The following DPP10 variants were observed in gnomAD, a reference collection of about 807,000 sequenced individuals.
The protein encoded by DPP10 is dipeptidyl peptidase like 10.
DPP10 carries 33 observed loss-of-function variants against 120.9 expected under a neutral mutation model. The observed-to-expected ratio is 0.27, with a 90% CI of 0.21 to 0.37. The LOEUF is 0.37. DPP10 is among the 10% of genes least tolerant of loss of function. The pLI is 1.00. For missense variants in DPP10, 816 were observed against 942.8 expected (o/e 0.87, Z 1.76); for synonymous variants, 337 against 326.1 (o/e 1.03, Z -0.36).
At chr2:115,431,738 C>T (rs2071005610) in intron 3 of DPP10, among the ~76,000 whole-genome samples, 1 of 152,060 alleles carries the variant, frequency 6.6e-6, no homozygotes, top group Non-Finnish European at 1.5e-5. Context: ...CGAATGCACA[C>T]CCTTTGGATA....
At chr2:114,577,030 G>T (rs1048610357) in intron 1 of DPP10, among the ~76,000 whole-genome samples, 4 of 152,132 alleles carry the variant, frequency 2.6e-5, no homozygotes, top group African/African-American at 9.7e-5. Context: ...ATGTGATGGA[G>T]AAAAATATAT....
intron 1 of DPP10, among the ~76,000 whole-genome samples, chr2:114,890,742 G>A (rs755168453): frequency 3.3e-5 from 5 of 152,108 alleles, no homozygotes; most frequent in African/African-American, 7.2e-5. Context: ...TAATAACTTC[G>A]AAATGGCGAT....
At chr2:115,749,599 T>A (rs1327295623) in intron 10 of DPP10, among the ~76,000 whole-genome samples, 2 of 152,124 alleles carry the variant, frequency 1.3e-5, no homozygotes, top group African/African-American at 4.8e-5. Flanking sequence ...AATTAATAAA[T>A]TAACCCATGT....
chr2:115,303,626 A>G (rs1044180097), intron 1 of DPP10, among the ~76,000 whole-genome samples: 3 of 152,004 alleles, frequency 2.0e-5, no homozygotes, highest in East Asian at 1.9e-4. Context: ...TTTATTTCCC[A>G]TAGCAAAATT....
chr2:115,381,184 G>A (rs1025135696), intron 3 of DPP10, among the ~76,000 whole-genome samples: 11 of 152,156 alleles, frequency 7.2e-5, no homozygotes, highest in South Asian at 2.1e-4. Flanking sequence ...TCACTTTCAC[G>A]TACACCAATC....
chr2:115,351,686 G>A (rs1458192483), intron 3 of DPP10, among the ~76,000 whole-genome samples: 2 of 151,902 alleles, frequency 1.3e-5, no homozygotes, highest in African/African-American at 2.4e-5. Flanking sequence ...AGTTATATAT[G>A]ACAAAGTATC....
In DPP10 at chr2:115,309,218, CT is replaced by C. The variant is rs557340359; in HGVS notation, c.61-13del. 9.4e-6 allele frequency: 15 copies of C among 1,596,840 alleles called. No homozygotes were observed. The East Asian group carries it at 2.7e-4, about 29-fold the overall frequency. ...TCTTGGAGCATGAATAATTACAAAA[CT>C]TTTTTTTCTATCTCGGTAGGAACTG... On this transcript the variant is annotated intron_variant, in intron 1 of 25. Transcript: ENST00000410059.
intron 3 of DPP10, among the ~76,000 whole-genome samples, chr2:115,434,001 A>G (rs2071246070): frequency 6.6e-6 from 1 of 152,016 alleles, no homozygotes; most frequent in East Asian, 1.9e-4. Flanking sequence ...TACACTGTGG[A>G]TTGCTTTATT....
At chr2:114,830,649 C>A (rs1687020452) in intron 1 of DPP10, among the ~76,000 whole-genome samples, 3 of 152,104 alleles carry the variant, frequency 2.0e-5, no homozygotes, top group Non-Finnish European at 4.4e-5. Context: ...GATATAACAA[C>A]CTCTTATTTT....
chr2:115,085,020 A>C (rs1708577921), intron 1 of DPP10, among the ~76,000 whole-genome samples: 1 of 152,222 alleles, frequency 6.6e-6, no homozygotes, highest in East Asian at 1.9e-4. Flanking sequence ...AAGTCTGGGA[A>C]GAGCACAGAG....
intron 1 of DPP10, among the ~76,000 whole-genome samples, chr2:114,560,722 G>A (rs1171957717): frequency 2.0e-5 from 3 of 152,180 alleles, no homozygotes; most frequent in Admixed American, 6.5e-5. Flanking sequence ...ATTACAGGGT[G>A]CAGAACTCTG....
chr2:114,677,063 T>C (rs1261522681), intron 1 of DPP10, among the ~76,000 whole-genome samples: 1 of 152,056 alleles, frequency 6.6e-6, no homozygotes, highest in East Asian at 1.9e-4. Flanking sequence ...GGCCCCAGAG[T>C]CAATAATCTT....
intron 1 of DPP10, among the ~76,000 whole-genome samples, chr2:115,142,300 C>A (rs768174949): frequency 2.0e-5 from 3 of 152,102 alleles, no homozygotes; most frequent in Non-Finnish European, 4.4e-5. Flanking sequence ...CACAAAGGGA[C>A]TCAAGCAAGG....
chr2:114,640,581 G>C (rs1031646760), intron 1 of DPP10, among the ~76,000 whole-genome samples: 5 of 151,776 alleles, frequency 3.3e-5, no homozygotes, highest in African/African-American at 1.2e-4. Flanking sequence ...GCGGCCATCA[G>C]ATTGTAGTGG....
At chr2:115,742,698 TA>T (rs1303639998) in intron 9 of DPP10, among the ~76,000 whole-genome samples, 1 of 152,168 alleles carries the variant, frequency 6.6e-6, no homozygotes, top group African/African-American at 2.4e-5. Context: ...AATGTTTTGT[TA>T]GTTTTTGCTG....
chr2:114,611,083 T>C (rs1293411043), intron 1 of DPP10, among the ~76,000 whole-genome samples: 10 of 152,094 alleles, frequency 6.6e-5, no homozygotes, highest in Non-Finnish European at 1.5e-5. Flanking sequence ...CTATACTTAA[T>C]GGGGAGGGAT....
intron 1 of DPP10, among the ~76,000 whole-genome samples, chr2:115,095,427 G>A (rs1709637605): frequency 6.6e-6 from 1 of 152,100 alleles, no homozygotes; most frequent in East Asian, 1.9e-4. Context: ...GAGGGCAGTG[G>A]AGCTCACTCT....
At chr2:115,399,535 C>T (rs555505421) in intron 3 of DPP10, among the ~76,000 whole-genome samples, 40 of 152,154 alleles carry the variant, frequency 2.6e-4, no homozygotes, top group African/African-American at 7.5e-4. Flanking sequence ...ATTTTTAGCC[C>T]GAATTATTAA....
chr2:115,276,087 T>C (rs2059910258), intron 1 of DPP10, among the ~76,000 whole-genome samples: 1 of 152,204 alleles, frequency 6.6e-6, no homozygotes, highest in South Asian at 2.1e-4. Context: ...CCTTTCTTTT[T>C]CCGGATGGAT....
Sources: allele counts gnomAD v4.1 joint callset (sites outside exome capture counted in the v4.1 genomes callset), GRCh38; gene constraint gnomAD v4.1.1; transcripts MANE v1.5; gene names NCBI Gene and HGNC (gene_info 2026-07-23, HGNC 2026-07-21).